RPGRIP1L: variants seen among roughly 807,000 people sequenced by gnomAD.
The protein encoded by RPGRIP1L is protein fantom.
Under a neutral mutation model 160.4 loss-of-function variants are expected in RPGRIP1L, and 131 were observed. The observed-to-expected ratio is 0.82, with a 90% CI of 0.71 to 0.94. RPGRIP1L has a LOEUF of 0.94. Ranked by LOEUF, RPGRIP1L falls within the 40% of genes least tolerant of loss-of-function variation. The pLI, the probability that RPGRIP1L is intolerant of heterozygous loss-of-function variation, is 0.00. For synonymous variants in RPGRIP1L, 510 were observed against 515.8 expected (o/e 0.99, Z 0.15); for missense variants, 1,522 against 1,535.8 (o/e 0.99, Z 0.15).
Position 53,669,405 on chromosome 16 carries a change from G to A in RPGRIP1L, c.1103+2105C>T, listed in dbSNP as rs554230130. On this transcript the variant is annotated intron_variant, in intron 9 of 26. Transcript: ENST00000647211. ...AAACTTCACGTGTGAGCAGCATAAC[G>A]AAGTCTGCTTTTAGTGTGACAGGAA... 2.2e-3 allele frequency among the ~76,000 whole-genome samples: 337 copies of A among 151,240 alleles called. 2 individuals are homozygous for A. The highest frequency in any genetic ancestry group is 7.7e-3 in the African/African-American group (319 of 41,200).
chr16:53,603,774 C>T (rs1288702851), intron 26 of RPGRIP1L, among the ~76,000 whole-genome samples: 1 of 151,686 alleles, frequency 6.6e-6, no homozygotes, highest in East Asian at 1.9e-4. Flanking sequence ...GGTGCAGAAA[C>T]TGAGCATTGG....
chr16:53,616,976 G>A (rs1187479218), intron 24 of RPGRIP1L, among the ~76,000 whole-genome samples: 2 of 148,814 alleles, frequency 1.3e-5, no homozygotes, highest in East Asian at 2.0e-4. Context: ...GGGGGCTGAG[G>A]TGAAAGGATC....
Position 53,686,436 on chromosome 16 carries a change from T to C in RPGRIP1L, c.773A>G (p.Gln258Arg), listed in dbSNP as rs1567879705. 6.2e-7 allele frequency: 1 copy of C among 1,613,020 alleles called. No individual in the cohort carries two copies. ...TGATATTTCTGTTTTAACATACCTT[T>C]GATCTGTAGCTTGCTGTTCTCGAAG... ...LQLREQQATDQRSNIRDNVEM... is the reference protein window; with the variant it reads ...LQLREQQATDRRSNIRDNVEM... The change falls in exon 6 of 27, where the codon CAA (glutamine) becomes CGA (arginine). Residue 258 changes from glutamine to arginine, a missense_variant. Transcript: ENST00000647211.
chr16:53,699,124 T>A (rs1971150838), intron 2 of RPGRIP1L, among the ~76,000 whole-genome samples: 1 of 152,100 alleles, frequency 6.6e-6, no homozygotes, highest in African/African-American at 2.4e-5. Context: ...ATGTGCTGTG[T>A]CCACTCAGGG....
chr16:53,606,054 G>A (rs1963662781), intron 25 of RPGRIP1L, among the ~76,000 whole-genome samples: 1 of 152,158 alleles, frequency 6.6e-6, no homozygotes, highest in Admixed American at 6.5e-5. Flanking sequence ...TGCTACTAAG[G>A]AATTTAACAA....
intron 24 of RPGRIP1L, among the ~76,000 whole-genome samples, chr16:53,612,489 ATT>A (rs56935715): frequency 2.8e-4 from 37 of 131,486 alleles, no homozygotes; most frequent in Non-Finnish European, 2.8e-4. Context: ...TCCAAATGGG[ATT>A]TTTTTTTTTT....
At chr16:53,670,496 C>T (rs1159367531) in intron 9 of RPGRIP1L, among the ~76,000 whole-genome samples, 3 of 152,140 alleles carry the variant, frequency 2.0e-5, no homozygotes, top group African/African-American at 4.8e-5. Context: ...GACACACACA[C>T]ACACAGATAT....
intron 16 of RPGRIP1L, among the ~76,000 whole-genome samples, 175 bp from the exon 17 acceptor site, chr16:53,646,178 T>G (rs1429770720): frequency 6.6e-6 from 1 of 152,150 alleles, no homozygotes; most frequent in Non-Finnish European, 1.5e-5. Context: ...CCCTAGAACA[T>G]GTATGAATAG....
chr16:53,633,326 C>A (rs1054369698), intron 22 of RPGRIP1L, among the ~76,000 whole-genome samples: 1 of 152,200 alleles, frequency 6.6e-6, no homozygotes. Flanking sequence ...CACAGTATCG[C>A]TTCTGTATTC....
intron 6 of RPGRIP1L, among the ~76,000 whole-genome samples, chr16:53,686,029 T>C (rs761027455): frequency 6.6e-6 from 1 of 152,220 alleles, no homozygotes; most frequent in African/African-American, 2.4e-5. Context: ...TACCATATTA[T>C]GGAATTTACT....
intron 3 of RPGRIP1L, chr16:53,694,383 G>T (rs1334888767): frequency 7.1e-6 from 1 of 140,126 alleles, no homozygotes; most frequent in East Asian, 2.1e-4. Context: ...GTTGCAGTGA[G>T]CCGAGATCTT....
intron 19 of RPGRIP1L, among the ~76,000 whole-genome samples, chr16:53,639,143 T>C (rs750894944): frequency 1.1e-4 from 16 of 151,998 alleles, no homozygotes; most frequent in Non-Finnish European, 1.5e-5. Flanking sequence ...ATTCCTGGGT[T>C]AACAAACGAA....
chr16:53,616,042 C>T (rs1964359859), intron 24 of RPGRIP1L, among the ~76,000 whole-genome samples: 1 of 152,194 alleles, frequency 6.6e-6, no homozygotes, highest in African/African-American at 2.4e-5. Context: ...ATACAAGTCT[C>T]TTTTGTACAG....
chr16:53,614,828 T>G (rs369902918), intron 24 of RPGRIP1L, among the ~76,000 whole-genome samples: 2 of 152,226 alleles, frequency 1.3e-5, no homozygotes, highest in East Asian at 3.8e-4. Flanking sequence ...GACATAAACT[T>G]ACTGAAAGCA....
rs560914533 is a variant in RPGRIP1L at position 53,644,709 on chromosome 16, A to C, written c.2683+916T>G. On this transcript the variant is annotated intron_variant, in intron 17 of 26. Transcript: ENST00000647211. The stretch of plus-strand genomic sequence containing the variant: ...GTTAAAAACTAAACTGTTGACCAAA[A>C]ATATTATATACAGCAAGACCATCCT... Among the ~76,000 whole-genome samples the C allele has an allele frequency of 1.7e-3, 257 of 152,304 alleles. 1 individual carries two copies. The highest frequency in any genetic ancestry group is 5.8e-3 in the African/African-American group (242 of 41,576).
Position 53,652,929 on chromosome 16 carries a change from C to T in RPGRIP1L, c.1758G>A (p.Met586Ile). Reference protein sequence around the residue: ...TKQYKFKPEIMPDDSVDEFDE... With the variant: ...TKQYKFKPEIIPDDSVDEFDE... Reference sequence around the variant, plus strand: ...CAAATTCATCAACAGAGTCATCTGGCATGATTTCTGGTTTAAATTTGTACT... The same window carrying T: ...CAAATTCATCAACAGAGTCATCTGGTATGATTTCTGGTTTAAATTTGTACT... Residue 586 changes from methionine (M) to isoleucine (I), a missense_variant, in exon 15 of 27, where the codon ATG (methionine) becomes ATA (isoleucine). Transcript: ENST00000647211. 1 of 1,613,488 alleles carries T rather than the reference C, an allele frequency of 6.2e-7. No homozygotes were observed. Among genetic ancestry groups the T allele is most frequent in the Non-Finnish European group, 8.5e-7 (1 of 1,179,866 alleles).
At chr16:53,636,241 G>A (rs1479766226) in intron 22 of RPGRIP1L, among the ~76,000 whole-genome samples, 198 bp downstream of exon 22, 2 of 152,128 alleles carry the variant, frequency 1.3e-5, no homozygotes, top group African/African-American at 4.8e-5. Flanking sequence ...ATACTTACAT[G>A]TTATAGTCCA....
chr16:53,620,261 T>C (rs1598244922), intron 23 of RPGRIP1L, among the ~76,000 whole-genome samples: 1 of 152,214 alleles, frequency 6.6e-6, no homozygotes, highest in Non-Finnish European at 1.5e-5. Flanking sequence ...AAGTATCCTA[T>C]TGTAAAAATA....
intron 10 of RPGRIP1L, among the ~76,000 whole-genome samples, chr16:53,662,231 A>G (rs955996561): frequency 1.3e-5 from 2 of 152,164 alleles, no homozygotes; most frequent in African/African-American, 4.8e-5. Flanking sequence ...CTTTGTGCTA[A>G]TATCTTCAGC....
Sources: gnomAD v4.1 joint callset for allele counts (sites outside exome capture counted in the v4.1 genomes callset) on GRCh38, gnomAD v4.1.1 for gene constraint, MANE v1.5 for transcripts, NCBI Gene and HGNC (gene_info 2026-07-23, HGNC 2026-07-21) for gene names.